Variants in UBXN7 observed in about 807,000 individuals in gnomAD.
UBXN7 encodes UBX domain protein 7.
Under a neutral mutation model 58.0 loss-of-function variants are expected in UBXN7, and 9 were observed. The observed-to-expected ratio is 0.16, with a 90% CI of 0.09 to 0.27. The LOEUF (loss-of-function observed/expected upper bound fraction) is 0.27, where lower values mean the gene tolerates loss of function less well. Among genes scored for constraint, UBXN7 ranks in the 10% least tolerant of loss-of-function variants. The pLI is 1.00. For missense variants in UBXN7, 328 were observed against 599.6 expected, an observed-to-expected ratio of 0.55 and a Z score of 4.73; for synonymous variants, 208 against 205.0, an observed-to-expected ratio of 1.01 and a Z score of -0.12.
intron 5 of UBXN7, among the ~76,000 whole-genome samples, chr3:196,375,338 C>T (rs1026371354): frequency 3.5e-5 from 5 of 144,102 alleles, no homozygotes; most frequent in Non-Finnish European, 6.1e-5. Context: ...GTACAGTAGT[C>T]TGGAGCAGTG....
chr3:196,420,729 C>A (rs1730656274), intron 1 of UBXN7, among the ~76,000 whole-genome samples: 1 of 152,078 alleles, frequency 6.6e-6, no homozygotes, highest in Non-Finnish European at 1.5e-5. Flanking sequence ...ACACTTGCTA[C>A]TGAATGGCAC....
rs749981900 is a variant in UBXN7 at position 196,417,724 on chromosome 3, T to TA, written c.74-10332dup. Among the ~76,000 whole-genome samples the TA allele has an allele frequency of 7.2e-3, 227 of 31,628 alleles. 2 individuals carry two copies. Among genetic ancestry groups the TA allele is most frequent in the African/African-American group, 0.021 (164 of 7,994 alleles). The allele number at this position is 31,628 out of a possible 152,430, so 20.7% of individuals were successfully genotyped here. ...TTGAGACCAGTCTGGGCAAAATGGTTAAAAAAAAAAAAAAAAAAAAAAAAA... is the reference window on the plus strand; with the variant it reads ...TTGAGACCAGTCTGGGCAAAATGGTTAAAAAAAAAAAAAAAAAAAAAAAAAA... On this transcript the variant is annotated intron_variant, in intron 1 of 10. Transcript: ENST00000296328.
chr3:196,385,235 C>T (rs916439407), intron 5 of UBXN7, among the ~76,000 whole-genome samples: 4 of 152,042 alleles, frequency 2.6e-5, no homozygotes, highest in African/African-American at 7.3e-5. Flanking sequence ...AGCTCCTGAC[C>T]GTGAGTGATC....
At chr3:196,417,749 A>C (rs1211408966) in intron 1 of UBXN7, among the ~76,000 whole-genome samples, 2 of 149,526 alleles carry the variant, frequency 1.3e-5, no homozygotes, top group Non-Finnish European at 3.0e-5. Context: ...AAAAAAAAAA[A>C]AAAAAAAACC....
intron 1 of UBXN7, chr3:196,431,688 T>G (rs1577487405): frequency 3.1e-6 from 1 of 326,472 alleles, no homozygotes; most frequent in South Asian, 2.3e-5. Context: ...TCCCCCTCAT[T>G]CTTCCCTCAA....
Position 196,356,536 on chromosome 3 carries a change from TAGGAGAGATCAAGA to T in UBXN7, c.*135_*148del. ...CAAAGGGGGAGAAAGAGACTGATTA[TAGGAGAGATCAAGA>T]AATAAGAGAAGGAAGGTGACTTGCT... On this transcript the variant is annotated 3_prime_UTR_variant, in exon 11 of 11. Coordinates refer to ENST00000296328, the MANE Select transcript of UBXN7 (RefSeq NM_015562.2). 1 of 793,538 alleles carries T rather than the reference TAGGAGAGATCAAGA, an allele frequency of 1.3e-6. No individual in the cohort carries two copies. 49.2% of individuals were successfully genotyped at this position (793,538 alleles called of 1,614,324 possible).
intron 5 of UBXN7, among the ~76,000 whole-genome samples, chr3:196,376,501 G>A (rs113505102): frequency 2.6e-4 from 35 of 134,216 alleles, no homozygotes; most frequent in African/African-American, 9.2e-4. Context: ...AGCTGAGATC[G>A]CGCCACTGCA....
intron 5 of UBXN7, among the ~76,000 whole-genome samples, chr3:196,382,173 C>T (rs1729228073): frequency 6.6e-6 from 1 of 152,094 alleles, no homozygotes; most frequent in Non-Finnish European, 1.5e-5. Context: ...AAAGCAACCC[C>T]AAGACACATA....
intron 5 of UBXN7, among the ~76,000 whole-genome samples, chr3:196,391,280 T>A (rs1729573877): frequency 6.6e-6 from 1 of 152,148 alleles, no homozygotes. Context: ...ATAAAAGGAT[T>A]TCATCAATCT....
chr3:196,376,930 A>C (rs1729046353), intron 5 of UBXN7, among the ~76,000 whole-genome samples: 2 of 151,726 alleles, frequency 1.3e-5, no homozygotes, highest in Non-Finnish European at 2.9e-5. Flanking sequence ...CCCATAATCC[A>C]GGCTACCTGG....
At chr3:196,415,558 G>A (rs1730456472) in intron 1 of UBXN7, among the ~76,000 whole-genome samples, 1 of 148,404 alleles carries the variant, frequency 6.7e-6, no homozygotes, top group South Asian at 2.2e-4. Flanking sequence ...AGGTGGTCAC[G>A]AGGTCAGGAG....
chr3:196,357,064 G>A (rs1392202372), intron 10 of UBXN7, among the ~76,000 whole-genome samples: 1 of 152,206 alleles, frequency 6.6e-6, no homozygotes, highest in Admixed American at 6.5e-5. Context: ...GCCATTAAGT[G>A]ATACTGAAAT....
rs1248173046 is a variant in UBXN7, at chr3:196,352,801, G to A, written c.*3884C>T. ...GAGATCAAGAGATCGAGACCATCCTGGCCAACATGGTGAAACCCTGTCTCT... is the reference window on the plus strand; with the variant it reads ...GAGATCAAGAGATCGAGACCATCCTAGCCAACATGGTGAAACCCTGTCTCT... On this transcript the variant is annotated 3_prime_UTR_variant, in exon 11 of 11. Coordinates refer to ENST00000296328, the MANE Select transcript of UBXN7 (RefSeq NM_015562.2). This position sits in a 1 kb window ranked among gnomAD's most constrained non-coding sequence, Gnocchi z 4.1. 1 of 151,866 alleles carries A rather than the reference G, an allele frequency of 6.6e-6. No homozygotes were observed. Among genetic ancestry groups the A allele is most frequent in the Non-Finnish European group, 1.5e-5 (1 of 67,990 alleles). The allele number at this position is 151,866 out of a possible 1,614,324, so 9.4% of individuals were successfully genotyped here.
intron 1 of UBXN7, among the ~76,000 whole-genome samples, chr3:196,430,465 G>A (rs958902079): frequency 3.3e-5 from 5 of 151,300 alleles, no homozygotes; most frequent in African/African-American, 4.9e-5. Flanking sequence ...TCTACTCACC[G>A]CAGCCTTGAA....
In UBXN7 at chr3:196,351,458, T is replaced by TG. The variant is rs1478785603; in HGVS notation, c.*5226dup. On this transcript the variant is annotated 3_prime_UTR_variant, in exon 11 of 11. Coordinates refer to ENST00000296328, the MANE Select transcript of UBXN7 (RefSeq NM_015562.2). ...CGCAGTAAGATTAAGAGCAAGTTGT[T>TG]GGTCAAATGATACCTGAACACAGAA... 6.6e-5 allele frequency: 10 copies of TG among 151,558 alleles called. No homozygotes were observed. Among genetic ancestry groups the TG allele is most frequent in the Non-Finnish European group, 5.9e-5 (4 of 67,992 alleles). 9.4% of individuals were successfully genotyped at this position (151,558 alleles called of 1,614,324 possible).
In UBXN7 at chr3:196,348,586, T is replaced by C. The variant is rs1728138146; in HGVS notation, c.*8099A>G. On this transcript the variant is annotated 3_prime_UTR_variant, in exon 11 of 11. Coordinates refer to ENST00000296328, the MANE Select transcript of UBXN7 (RefSeq NM_015562.2). ...ATCCCAGGGAATCTCTAAATACTGTTAGGAACTGCTTTAGAAAACACTTTA... is the reference window on the plus strand; with the variant it reads ...ATCCCAGGGAATCTCTAAATACTGTCAGGAACTGCTTTAGAAAACACTTTA... The C allele has an allele frequency of 6.6e-6, 1 of 152,194 alleles. No homozygotes were observed. The highest frequency in any genetic ancestry group is 6.6e-5 in the Admixed American group (1 of 15,260). The allele number at this position is 152,194 out of a possible 1,614,324, so 9.4% of individuals were successfully genotyped here. A position where few individuals can be genotyped will look rare whatever the true frequency, so the allele number is the denominator to read the frequency against.
chr3:196,371,248 C>T (rs1181858298), intron 6 of UBXN7, among the ~76,000 whole-genome samples: 3 of 152,090 alleles, frequency 2.0e-5, no homozygotes, highest in Non-Finnish European at 4.4e-5. Context: ...CTTGCTACTC[C>T]AAATGGAGAA....
rs374944494 is a variant in UBXN7, at chr3:196,396,646, C to T, written c.290-3027G>A. 1.3e-4 allele frequency among the ~76,000 whole-genome samples: 20 copies of T among 151,968 alleles called. No homozygotes were observed. In the East Asian group the frequency reaches 3.9e-3, roughly 29 times the overall value. On this transcript the variant is annotated intron_variant, in intron 3 of 10. Transcript: ENST00000296328. ...GGCGTGGTGGCGGGTACCTGTAGTC[C>T]CAGCTACTCGGGAGGCTGAGGCAGG... is the stretch of plus-strand genomic sequence containing the variant.
chr3:196,372,372 A>C, intron 5 of UBXN7, among the ~76,000 whole-genome samples: 2 of 126,216 alleles, frequency 1.6e-5, no homozygotes, highest in Admixed American at 8.8e-5. Context: ...GACAGAGTCT[A>C]ACTCTATTGC....
Sources: allele counts gnomAD v4.1 joint callset (sites outside exome capture counted in the v4.1 genomes callset), GRCh38; gene constraint gnomAD v4.1.1; non-coding constraint Gnocchi (gnomAD v3.1); transcripts MANE v1.5; gene names NCBI Gene and HGNC (gene_info 2026-07-23, HGNC 2026-07-21).